The following TBC1D5 variants were observed in gnomAD, a reference collection of about 807,000 sequenced individuals.
TBC1D5 encodes the protein TBC1 domain family, member 5.
In TBC1D5, 75 loss-of-function variants were observed where a neutral mutation model predicts 100.3. That is an observed-to-expected ratio of 0.75 (90% CI 0.62 to 0.91). The LOEUF (loss-of-function observed/expected upper bound fraction) is 0.91. Among genes scored for constraint, TBC1D5 ranks in the 40% least tolerant of loss-of-function variants. TBC1D5 has a pLI of 0.00. For synonymous variants in TBC1D5, 323 were observed against 325.6 expected (o/e 0.99, Z 0.09); for missense variants, 910 against 942.4 (o/e 0.97, Z 0.45).
intron 13 of TBC1D5, among the ~76,000 whole-genome samples, chr3:17,308,709 T>C (rs1368763229): frequency 1.3e-5 from 2 of 152,158 alleles, no homozygotes; most frequent in African/African-American, 4.8e-5. Flanking sequence ...GATATAGTCA[T>C]ACTTATTTTT....
chr3:17,310,130 T>C (rs1191207625), intron 13 of TBC1D5, among the ~76,000 whole-genome samples: 1 of 152,066 alleles, frequency 6.6e-6, no homozygotes, highest in East Asian at 1.9e-4. Context: ...ATAATTTCTA[T>C]ACCCATTATT....
chr3:17,196,772 A>G (rs548043068), intron 18 of TBC1D5, among the ~76,000 whole-genome samples: 5 of 152,358 alleles, frequency 3.3e-5, no homozygotes, highest in Admixed American at 2.6e-4. Context: ...ACCTTTCTAT[A>G]TTCTCATTCC....
At chr3:17,597,146 T>C (rs891081650) in intron 2 of TBC1D5, among the ~76,000 whole-genome samples, 2 of 152,208 alleles carry the variant, frequency 1.3e-5, no homozygotes, top group East Asian at 1.9e-4. Context: ...CCTTGTATTC[T>C]TCTAAAAACA....
chr3:17,396,444 T>TA (rs1465568432), intron 8 of TBC1D5, among the ~76,000 whole-genome samples: 2 of 151,986 alleles, frequency 1.3e-5, no homozygotes, highest in East Asian at 3.9e-4. Flanking sequence ...TTTATTTCAA[T>TA]AAAAAATGGG....
chr3:17,369,012 A>T (rs1166524140), intron 13 of TBC1D5, among the ~76,000 whole-genome samples: 1 of 152,224 alleles, frequency 6.6e-6, no homozygotes, highest in Non-Finnish European at 1.5e-5. Flanking sequence ...ACTTAGATTA[A>T]GATATTTGTG....
upstream of TBC1D5, among the ~76,000 whole-genome samples, chr3:17,742,108 C>G (rs2077505094): frequency 6.6e-6 from 1 of 152,194 alleles, no homozygotes; most frequent in Admixed American, 6.5e-5. Flanking sequence ...AGTCTAGACC[C>G]CGACCTCCTG....
At chr3:17,732,530 C>T (rs1176358829) in intron 1 of TBC1D5, among the ~76,000 whole-genome samples, 3 of 151,684 alleles carry the variant, frequency 2.0e-5, no homozygotes, top group Admixed American at 2.0e-4. Context: ...AACAGCCTGA[C>T]CAATAGAGAT....
intron 2 of TBC1D5, among the ~76,000 whole-genome samples, chr3:17,611,574 G>A (rs997086719): frequency 1.3e-5 from 2 of 152,134 alleles, no homozygotes; most frequent in Admixed American, 6.5e-5. Flanking sequence ...ATATTAAGAG[G>A]AAAAGCAAGA....
At chr3:17,233,033 T>C (rs1293161051) in intron 17 of TBC1D5, among the ~76,000 whole-genome samples, 1 of 152,172 alleles carries the variant, frequency 6.6e-6, no homozygotes, top group East Asian at 1.9e-4. Context: ...CTTTAAGTAT[T>C]TATATGTTTT....
chr3:17,258,190 C>T (rs371361878), intron 16 of TBC1D5, among the ~76,000 whole-genome samples: 96 of 152,120 alleles, frequency 6.3e-4, no homozygotes, highest in African/African-American at 1.9e-3. Flanking sequence ...TGTCTCTTTT[C>T]AATCAACAGC....
intron 8 of TBC1D5, among the ~76,000 whole-genome samples, chr3:17,384,962 G>T (rs1473894806): frequency 6.6e-6 from 1 of 151,984 alleles, no homozygotes; most frequent in Admixed American, 6.6e-5. Context: ...CTCTATGGAG[G>T]AATAAACCTG....
intron 17 of TBC1D5, among the ~76,000 whole-genome samples, chr3:17,217,923 GA>G (rs1166414708): frequency 6.6e-6 from 1 of 151,938 alleles, no homozygotes; most frequent in Non-Finnish European, 1.5e-5. Flanking sequence ...TCATATCTAA[GA>G]AACTACTGCC....
intron 21 of TBC1D5, among the ~76,000 whole-genome samples, chr3:17,163,974 C>T (rs1025827636): frequency 5.9e-5 from 9 of 152,186 alleles, no homozygotes; most frequent in African/African-American, 1.9e-4. Context: ...CAGGGTCCCA[C>T]AAAGTCCTGC....
chr3:17,602,561 ATTTTTTTTTTTT>A lies in TBC1D5; in HGVS notation c.-36+21276_-36+21287del, dbSNP rs33956978. Reference sequence around the variant, plus strand: ...TTATGCCATAATACGAGAGAATCAGATTTTTTTTTTTTTTTTTTTTTTTTTTTTTGAGACGGA... The same window carrying A: ...TTATGCCATAATACGAGAGAATCAGATTTTTTTTTTTTTTTTTGAGACGGA... On this transcript the variant is annotated intron_variant, in intron 2 of 21. Coordinates refer to ENST00000253692, the Ensembl canonical transcript of TBC1D5. 4.6e-4 allele frequency among the ~76,000 whole-genome samples: 34 copies of A among 74,510 alleles called. No homozygotes were observed. In the South Asian group the frequency reaches 9.5e-3, roughly 21 times the overall value. The allele number at this position is 74,510 out of a possible 152,430, so 48.9% of individuals were successfully genotyped here.
intron 13 of TBC1D5, among the ~76,000 whole-genome samples, chr3:17,312,972 T>C (rs1005917649): frequency 2.0e-5 from 3 of 152,178 alleles, no homozygotes; most frequent in African/African-American, 7.2e-5. Flanking sequence ...CTTTCAGATG[T>C]ATGCCTGCTA....
At chr3:17,247,277 GTTA>G (rs776494080) in intron 16 of TBC1D5, among the ~76,000 whole-genome samples, 129 of 152,282 alleles carry the variant, frequency 8.5e-4, no homozygotes, top group Non-Finnish European at 1.6e-3. Flanking sequence ...ATACCTCAGA[GTTA>G]TTATTATGAG....
chr3:17,462,172 A>C (rs2095223776), intron 3 of TBC1D5, among the ~76,000 whole-genome samples: 1 of 151,798 alleles, frequency 6.6e-6, no homozygotes, highest in South Asian at 2.1e-4. Flanking sequence ...TTATACTCTG[A>C]GTCTTTTGGT....
At chr3:17,411,958 T>A (rs2093938344) in intron 4 of TBC1D5, among the ~76,000 whole-genome samples, 1 of 152,184 alleles carries the variant, frequency 6.6e-6, no homozygotes, top group Non-Finnish European at 1.5e-5. Flanking sequence ...TAATAATATA[T>A]TAATTGTCTT....
chr3:17,726,155 C>T (rs547262848), intron 1 of TBC1D5, among the ~76,000 whole-genome samples: 11 of 152,220 alleles, frequency 7.2e-5, no homozygotes, highest in South Asian at 6.2e-4. Context: ...TTTGCCGTCG[C>T]GAACAGTGCT....
Sources: allele counts gnomAD v4.1 joint callset (sites outside exome capture counted in the v4.1 genomes callset), GRCh38; gene constraint gnomAD v4.1.1; transcripts MANE v1.5; gene names NCBI Gene and HGNC (gene_info 2026-07-23, HGNC 2026-07-21).